The following GJC1 variants were observed in gnomAD, a reference collection of about 807,000 sequenced individuals.
GJC1 encodes the protein gap junction protein gamma 1.
A neutral mutation model predicts 29.3 loss-of-function variants in GJC1; 5 were observed. That is an observed-to-expected ratio of 0.17 (90% CI 0.09 to 0.36). GJC1 has a LOEUF of 0.36. Ranked by LOEUF, GJC1 falls within the 10% of genes least tolerant of loss-of-function variation. GJC1 has a pLI of 1.00. For missense variants in GJC1, 310 were observed against 496.2 expected (o/e 0.62, Z 3.56); for synonymous variants, 177 against 183.3 (o/e 0.97, Z 0.28).
At position 44,805,572 on chromosome 17, in the gene GJC1, G is replaced by A; in HGVS notation, c.246C>T (p.Ile82=). Residue 82 remains isoleucine (I), a synonymous_variant, in exon 3 of 3, where the codon ATC becomes ATT. Transcript: ENST00000592524. This position sits in a 1 kb window ranked among gnomAD's most constrained non-coding sequence, Gnocchi z 5.1. ...SHVRFWVFQI[I]LVATPSVMYL... is the part of the protein sequence containing the mutation. ...ACATCACAGAGGGAGTTGCCACCAG[G>A]ATGATCTGGAACACCCAGAAGCGTA... The A allele has an allele frequency of 6.2e-7, 1 of 1,614,162 alleles. No homozygotes were observed. The highest frequency in any genetic ancestry group is 8.5e-7 in the Non-Finnish European group (1 of 1,180,006).
chr17:44,821,654 G>A (rs1328967742), intron 1 of GJC1, among the ~76,000 whole-genome samples: 7 of 126,350 alleles, frequency 5.5e-5, no homozygotes, highest in African/African-American at 1.5e-4. Context: ...CCAAGATCGC[G>A]CCATTGCACT....
Position 44,804,484 on chromosome 17 carries a change from C to T in GJC1, c.*143G>A, listed in dbSNP as rs768132593. 7 of 666,418 alleles carry T rather than the reference C, an allele frequency of 1.1e-5. No individual in the cohort carries two copies. Among genetic ancestry groups the T allele is most frequent in the Admixed American group, 2.9e-5 (1 of 34,252 alleles). 41.3% of individuals were successfully genotyped at this position (666,418 alleles called of 1,614,324 possible). On this transcript the variant is annotated 3_prime_UTR_variant, in exon 3 of 3. Transcript: ENST00000592524. ...TCTCTCCCTCAGCCCAGCCCCGCCT[C>T]CAGAGTCCCCTGAGCTTGGATCATG... is the stretch of plus-strand genomic sequence containing the variant.
In GJC1 at chr17:44,805,867, A is replaced by G. The variant is rs2049907501; in HGVS notation, c.-20-30T>C. ...TAAAAGTGGAAAAATACCAAAATAA[A>G]ATCAACAAATATTAAATCTTAATTT... On this transcript the variant is annotated intron_variant, in intron 2 of 2. Coordinates refer to ENST00000592524, the MANE Select transcript of GJC1 (RefSeq NM_005497.4). This position sits in a 1 kb window ranked among gnomAD's most constrained non-coding sequence, Gnocchi z 5.1. The G allele has an allele frequency of 1.1e-6, 1 of 950,022 alleles. No individual in the cohort carries two copies. The highest frequency in any genetic ancestry group is 1.6e-6 in the Non-Finnish European group (1 of 630,896). The allele number at this position is 950,022 out of a possible 1,614,324, so 58.8% of individuals were successfully genotyped here.
chr17:44,802,056 AG>A lies in GJC1; in HGVS notation c.*2570del, dbSNP rs2049854376. 6.6e-6 allele frequency: 1 copy of A among 152,234 alleles called. No individual in the cohort carries two copies. The highest frequency in any genetic ancestry group is 1.5e-5 in the Non-Finnish European group (1 of 68,052). The allele number at this position is 152,234 out of a possible 1,614,324, so 9.4% of individuals were successfully genotyped here. A position where few individuals can be genotyped will look rare whatever the true frequency, so the allele number is the denominator to read the frequency against. ...ACAACTTTAGCAAGAGAATAAAAAT[AG>A]ATTTTAAAAGTGTGTGCATGTGGGG... is the stretch of plus-strand genomic sequence containing the variant. On this transcript the variant is annotated 3_prime_UTR_variant, in exon 3 of 3. Coordinates refer to ENST00000592524, the MANE Select transcript of GJC1 (RefSeq NM_005497.4).
intron 1 of GJC1, among the ~76,000 whole-genome samples, chr17:44,815,853 A>G (rs921201905): frequency 6.6e-6 from 1 of 151,950 alleles, no homozygotes; most frequent in Non-Finnish European, 1.5e-5. Flanking sequence ...GTGGCTCACG[A>G]CTGTAATCCC....
chr17:44,826,525 G>A (rs2050178980), intron 1 of GJC1, among the ~76,000 whole-genome samples: 4 of 146,530 alleles, frequency 2.7e-5, no homozygotes, highest in Non-Finnish European at 4.5e-5. Context: ...GCGAGACTCC[G>A]TCTAAAAAAA....
chr17:44,815,923 C>T (rs894753703), intron 1 of GJC1, among the ~76,000 whole-genome samples: 1 of 151,736 alleles, frequency 6.6e-6, no homozygotes. Flanking sequence ...ACCATCCTGG[C>T]TAACAAGGTG....
At chr17:44,822,196 C>CAAAAAAA (rs59152296) in intron 1 of GJC1, among the ~76,000 whole-genome samples, 1 of 47,566 alleles carries the variant, frequency 2.1e-5, no homozygotes, top group Non-Finnish European at 4.1e-5. Context: ...GACTCCGTCT[C>CAAAAAAA]AAAAAAAAAA....
chr17:44,828,012 C>T (rs956106233), intron 1 of GJC1, among the ~76,000 whole-genome samples: 1 of 152,176 alleles, frequency 6.6e-6, no homozygotes, highest in Admixed American at 6.5e-5. Context: ...GTTAAGAGAA[C>T]GATGCTCTGG....
At chr17:44,808,589 A>T (rs1425936961) in intron 1 of GJC1, among the ~76,000 whole-genome samples, 1 of 149,702 alleles carries the variant, frequency 6.7e-6, no homozygotes, top group Admixed American at 7.0e-5. Flanking sequence ...GTCTTCACCA[A>T]ACAACAACAA....
Position 44,822,643 on chromosome 17 carries a change from C to CAAAAAAAAAAAAAAAAAAAAAAA in GJC1, c.-97+7418_-97+7419insTTTTTTTTTTTTTTTTTTTTTTT, listed in dbSNP as rs11423012. 2.5e-5 allele frequency among the ~76,000 whole-genome samples: 2 copies of CAAAAAAAAAAAAAAAAAAAAAAA among 80,268 alleles called. 1 individual carries two copies. Among genetic ancestry groups the CAAAAAAAAAAAAAAAAAAAAAAA allele is most frequent in the African/African-American group, 1.0e-4 (2 of 19,964 alleles). The allele number at this position is 80,268 out of a possible 152,430, so 52.7% of individuals were successfully genotyped here. A position where few individuals can be genotyped will look rare whatever the true frequency, so the allele number is the denominator to read the frequency against. ...GAGCAACAAGAGCGAAACTCCATCT[C>CAAAAAAAAAAAAAAAAAAAAAAA]AAAAAAAAAAAAAAAAAAAAAGAGT... is the stretch of plus-strand genomic sequence containing the variant. On this transcript the variant is annotated intron_variant, in intron 1 of 2. Transcript: ENST00000592524.
rs2049826925 is a variant in GJC1, at chr17:44,800,255, C to CGT, written c.*4371_*4372insAC. The CGT allele has an allele frequency of 6.6e-6, 1 of 151,956 alleles. No homozygotes were observed. Among genetic ancestry groups the CGT allele is most frequent in the East Asian group, 1.9e-4 (1 of 5,176 alleles). The allele number at this position is 151,956 out of a possible 1,614,324, so 9.4% of individuals were successfully genotyped here. ...TCCTGAGTAGCTGGGATTACAGGTACCCACCACCACGCCCGGCTAATTTTT... is the reference window on the plus strand; with the variant it reads ...TCCTGAGTAGCTGGGATTACAGGTACGTCCACCACCACGCCCGGCTAATTTTT... On this transcript the variant is annotated 3_prime_UTR_variant, in exon 3 of 3. Coordinates refer to ENST00000592524, the MANE Select transcript of GJC1 (RefSeq NM_005497.4).
At chr17:44,813,426 C>T (rs1027552401) in intron 1 of GJC1, 2 of 151,128 alleles carry the variant, frequency 1.3e-5, no homozygotes, top group African/African-American at 4.9e-5. Flanking sequence ...AATGTTTTTA[C>T]CTATTGAGTC....
chr17:44,801,715 T>C lies in GJC1; in HGVS notation c.*2912A>G, dbSNP rs2049849295. On this transcript the variant is annotated 3_prime_UTR_variant, in exon 3 of 3. Coordinates refer to ENST00000592524, the MANE Select transcript of GJC1 (RefSeq NM_005497.4). ...GCCTCCTGGGTTCAAGCAATTCTCC[T>C]GCCTCAACCTCCCAAGTAGCTGGGA... 6.6e-6 allele frequency: 1 copy of C among 152,182 alleles called. No individual in the cohort carries two copies. Among genetic ancestry groups the C allele is most frequent in the African/African-American group, 2.4e-5 (1 of 41,398 alleles). The allele number at this position is 152,182 out of a possible 1,614,324, so 9.4% of individuals were successfully genotyped here.
chr17:44,808,359 T>C (rs1286147744), intron 1 of GJC1, among the ~76,000 whole-genome samples: 1 of 151,078 alleles, frequency 6.6e-6, no homozygotes, highest in Non-Finnish European at 1.5e-5. Context: ...TTTAAAAAAA[T>C]TAGCCAGGTG....
chr17:44,812,019 AAAC>A (rs2049988714), intron 1 of GJC1, among the ~76,000 whole-genome samples: 3 of 151,238 alleles, frequency 2.0e-5, no homozygotes, highest in African/African-American at 7.3e-5. Flanking sequence ...AAAAAACAAA[AAAC>A]AAAAAAACCC....
In GJC1 at chr17:44,805,428, C is replaced by T. The variant is rs45478503; in HGVS notation, c.390G>A (p.Thr130=). ...TAGGATCCTCTTCGTTGTCCTCCTC[C>T]GTTTCTTCCAGAGCCCGGTGTTGTT... ...RWKQHRALEE[T]EEDNEEDPMM... is the part of the protein sequence containing the mutation. Residue 130 remains threonine, a synonymous_variant, in exon 3 of 3, where the codon ACG becomes ACA. Transcript: ENST00000592524. The surrounding 1 kb of genome is among the most constrained non-coding windows in gnomAD (Gnocchi z 5.1). The T allele has an allele frequency of 8.5e-5, 137 of 1,614,166 alleles. 1 individual carries two copies. In the African/African-American group the frequency reaches 8.8e-4, roughly 10 times the overall value.
At position 44,804,260 on chromosome 17, in the gene GJC1, ACAG is replaced by A. The variant is rs1246716899; in HGVS notation, c.*364_*366del. On this transcript the variant is annotated 3_prime_UTR_variant, in exon 3 of 3. Coordinates refer to ENST00000592524, the MANE Select transcript of GJC1 (RefSeq NM_005497.4). ...TCCCCTTTAATATAAAAGTATAACTACAGCAGTTCAATGTACAAATACAAAAAA... is the reference window on the plus strand; with the variant it reads ...TCCCCTTTAATATAAAAGTATAACTACAGTTCAATGTACAAATACAAAAAA... 1 of 179,412 alleles carries A rather than the reference ACAG, an allele frequency of 5.6e-6. No homozygotes were observed. Among genetic ancestry groups the A allele is most frequent in the Non-Finnish European group, 1.2e-5 (1 of 86,242 alleles). The allele number at this position is 179,412 out of a possible 1,614,324, so 11.1% of individuals were successfully genotyped here. A position where few individuals can be genotyped will look rare whatever the true frequency, so the allele number is the denominator to read the frequency against.
At chr17:44,796,098 G>A (rs774718010), downstream of GJC1, among the ~76,000 whole-genome samples, 2 of 152,144 alleles carry the variant, frequency 1.3e-5, no homozygotes, top group African/African-American at 4.8e-5. Flanking sequence ...GTGTTCCTCC[G>A]GACATCCAGC....
Sources: gnomAD v4.1 joint callset for allele counts (sites outside exome capture counted in the v4.1 genomes callset) on GRCh38, gnomAD v4.1.1 for gene constraint, Gnocchi (gnomAD v3.1) non-coding constraint, MANE v1.5 for transcripts, NCBI Gene and HGNC (gene_info 2026-07-23, HGNC 2026-07-21) for gene names.